SLC25A26: variants seen among roughly 807,000 people sequenced by gnomAD.
SLC25A26 encodes solute carrier family 25 member 26, also known as mitochondrial S-adenosylmethionine carrier protein.
A neutral mutation model predicts 37.8 loss-of-function variants in SLC25A26; 36 were observed. That is an observed-to-expected ratio of 0.95 (90% CI 0.73 to 1.26). SLC25A26 has a LOEUF of 1.26. Ranked by LOEUF, SLC25A26 falls within the 50% of genes most tolerant of loss-of-function variation. SLC25A26 has a pLI of 0.00. For missense variants in SLC25A26, 390 were observed against 331.1 expected, an observed-to-expected ratio of 1.18 and a Z score of -1.38; for synonymous variants, 129 against 122.5, an observed-to-expected ratio of 1.05 and a Z score of -0.35.
intron 1 of SLC25A26, among the ~76,000 whole-genome samples, chr3:66,206,203 G>A (rs2071174353): frequency 6.6e-6 from 1 of 152,084 alleles, no homozygotes. Context: ...AGTGTGCCAG[G>A]GACTGTCCGC....
intron 7 of SLC25A26, among the ~76,000 whole-genome samples, chr3:66,367,705 CACAGAGAGAG>C (rs1559744902): frequency 4.8e-5 from 7 of 146,446 alleles, no homozygotes; most frequent in African/African-American, 1.6e-4. Context: ...GACAGACAGA[CACAGAGAGAG>C]AGAGAGAGAG....
chr3:66,247,262 TATAA>T (rs66473971), intron 3 of SLC25A26, among the ~76,000 whole-genome samples: 7,488 of 151,398 alleles, frequency 0.049, 376 homozygotes, highest in Admixed American at 0.14. Context: ...TAAATATAAA[TATAA>T]ATATATATAT....
At chr3:66,215,442 C>T (rs1472709349) in intron 1 of SLC25A26, among the ~76,000 whole-genome samples, 1 of 152,136 alleles carries the variant, frequency 6.6e-6, no homozygotes, top group Non-Finnish European at 1.5e-5. Flanking sequence ...CTCAAGTGAT[C>T]CTCCTACCTC....
Position 66,262,095 on chromosome 3 carries a change from G to A in SLC25A26, c.345G>A (p.Arg115=). 1.3e-6 allele frequency: 2 copies of A among 1,590,494 alleles called. No individual in the cohort carries two copies. Among genetic ancestry groups the A allele is most frequent in the Non-Finnish European group, 8.6e-7 (1 of 1,167,626 alleles). ...IRVPSEVVKQ[R]AQVSASTRTF... is the part of the protein sequence containing the mutation. Reference sequence around the variant, plus strand: ...TTCCATCTGAAGTGGTTAAGCAGAGGGCACAGGTATCTGCTTCTACAAGAA... The same window carrying A: ...TTCCATCTGAAGTGGTTAAGCAGAGAGCACAGGTATCTGCTTCTACAAGAA... Residue 115 remains arginine, a synonymous_variant, in exon 4 of 10, where the codon AGG becomes AGA. Transcript: ENST00000354883.
intron 1 of SLC25A26, among the ~76,000 whole-genome samples, chr3:66,175,124 T>TATATATATATATAC (rs1559560886): frequency 5.5e-5 from 5 of 91,228 alleles, no homozygotes; most frequent in African/African-American, 2.2e-4. Flanking sequence ...TATATATATA[T>TATATATATATATAC]ATATATATAT....
At chr3:66,238,137 A>C (rs1046668533) in intron 2 of SLC25A26, among the ~76,000 whole-genome samples, 2 of 152,102 alleles carry the variant, frequency 1.3e-5, no homozygotes, top group African/African-American at 2.4e-5. Flanking sequence ...TGGGTTCCCC[A>C]ATTTGTCCAC....
rs1411769561 is a variant in SLC25A26, at chr3:66,209,966, A to G, written c.-353-10776A>G. Among the ~76,000 whole-genome samples, 86 of 104,206 alleles carry G rather than the reference A, an allele frequency of 8.3e-4. 1 individual carries two copies. Among genetic ancestry groups the G allele is most frequent in the East Asian group, 8.8e-4 (3 of 3,424 alleles). 68.4% of individuals were successfully genotyped at this position (104,206 alleles called of 152,430 possible). A position where few individuals can be genotyped will look rare whatever the true frequency, so the allele number is the denominator to read the frequency against. ...TATATATGCAGTAGTTTCCTGGGGG[A>G]AAGAGTACCCTGAAGATGTCTATAG... On this transcript the variant is annotated intron_variant, in intron 1 of 10. Coordinates refer to the SLC25A26 transcript ENST00000676754.
intron 6 of SLC25A26, among the ~76,000 whole-genome samples, chr3:66,357,388 TG>T (rs1197442685): frequency 6.6e-6 from 1 of 152,226 alleles, no homozygotes; most frequent in Non-Finnish European, 1.5e-5. Flanking sequence ...CACTCCAGCC[TG>T]GGTAACAGAA....
intron 5 of SLC25A26, among the ~76,000 whole-genome samples, chr3:66,307,586 C>T (rs961298381): frequency 3.9e-5 from 6 of 152,116 alleles, no homozygotes; most frequent in East Asian, 1.9e-4. Flanking sequence ...CCCATGCCTA[C>T]GTCCTGAATG....
chr3:66,220,020 A>G (rs1436683335), upstream of SLC25A26, among the ~76,000 whole-genome samples: 1 of 152,230 alleles, frequency 6.6e-6, no homozygotes, highest in Non-Finnish European at 1.5e-5. Context: ...AAGAATAATT[A>G]TAAGAATAAT....
intron 5 of SLC25A26, among the ~76,000 whole-genome samples, chr3:66,337,685 A>G (rs1413754708): frequency 2.6e-5 from 4 of 152,052 alleles, no homozygotes; most frequent in Admixed American, 6.6e-5. Context: ...TCTGTATATT[A>G]ATTTTAATAA....
At chr3:66,151,556 A>G (rs1397919105) in intron 1 of SLC25A26, among the ~76,000 whole-genome samples, 1 of 152,244 alleles carries the variant, frequency 6.6e-6, no homozygotes, top group Non-Finnish European at 1.5e-5. Context: ...TAAGCTCATC[A>G]TGAAGTTCCA....
intron 1 of SLC25A26, among the ~76,000 whole-genome samples, chr3:66,227,609 A>T (rs1553661212): frequency 6.6e-6 from 1 of 152,210 alleles, no homozygotes; most frequent in African/African-American, 2.4e-5. Flanking sequence ...TATTTAAGTA[A>T]ATCATGGTAA....
At chr3:66,362,350 T>C (rs936152332) in intron 6 of SLC25A26, among the ~76,000 whole-genome samples, 3 of 152,148 alleles carry the variant, frequency 2.0e-5, no homozygotes, top group Non-Finnish European at 2.9e-5. Flanking sequence ...ATATTACTAA[T>C]GAAGAAGAAG....
chr3:66,255,927 G>A (rs2073281301), intron 3 of SLC25A26, among the ~76,000 whole-genome samples: 1 of 152,116 alleles, frequency 6.6e-6, no homozygotes, highest in South Asian at 2.1e-4. Flanking sequence ...TAGTTAGATT[G>A]ATTTTTTATC....
At position 66,262,121 on chromosome 3, in the gene SLC25A26, C is replaced by T. The variant is rs1336292256; in HGVS notation, c.371C>T (p.Thr124Ile). 6.3e-7 allele frequency: 1 copy of T among 1,576,430 alleles called. No homozygotes were observed. ...QRAQVSASTR[T>I]FQIFSNILYE... ...GCACAGGTATCTGCTTCTACAAGAA[C>T]ATTTCAGATTTTCTCTAACATCTTA... is the stretch of plus-strand genomic sequence containing the variant. Residue 124 changes from threonine (T) to isoleucine (I), a missense_variant, in exon 4 of 10, where the codon ACA becomes ATA. Transcript: ENST00000354883.
rs879775001 is a variant in SLC25A26, at chr3:66,372,171, G to A, written c.707+1569G>A. ...ATACATGGAGAAGTCACATTCAGTGGCTTTTTTAGACTGTAAAACCAAACT... is the reference window on the plus strand; with the variant it reads ...ATACATGGAGAAGTCACATTCAGTGACTTTTTTAGACTGTAAAACCAAACT... On this transcript the variant is annotated intron_variant, in intron 9 of 9. Coordinates refer to ENST00000354883, the MANE Select transcript of SLC25A26 (RefSeq NM_001379210.1). Among the ~76,000 whole-genome samples the A allele has an allele frequency of 2.0e-5, 3 of 152,206 alleles. No homozygotes were observed. The East Asian group carries it at 5.8e-4, about 29-fold the overall frequency.
At chr3:66,265,042 G>A (rs1243762459) in intron 5 of SLC25A26, among the ~76,000 whole-genome samples, 1 of 152,176 alleles carries the variant, frequency 6.6e-6, no homozygotes, top group Admixed American at 6.5e-5. Context: ...GCCAGGCATG[G>A]TGACTCAAGC....
intron 5 of SLC25A26, among the ~76,000 whole-genome samples, chr3:66,278,400 C>G (rs1287616766): frequency 6.6e-6 from 1 of 152,124 alleles, no homozygotes; most frequent in Non-Finnish European, 1.5e-5. Context: ...TCCTGCCCAT[C>G]CCTCTCCATT....
Sources: allele counts gnomAD v4.1 joint callset (sites outside exome capture counted in the v4.1 genomes callset), GRCh38; gene constraint gnomAD v4.1.1; transcripts MANE v1.5; gene names NCBI Gene and HGNC (gene_info 2026-07-23, HGNC 2026-07-21).